The following UTP20 variants were observed in gnomAD, a reference collection of about 807,000 sequenced individuals.
UTP20 encodes the protein small subunit processome component 20 homolog.
In UTP20, 164 loss-of-function variants were observed where a neutral mutation model predicts 329.5. The observed-to-expected ratio is 0.50, with a 90% CI of 0.44 to 0.57. The LOEUF is 0.57. Ranked by LOEUF, UTP20 falls within the 20% of genes least tolerant of loss-of-function variation. UTP20 has a pLI of 0.00. For synonymous variants in UTP20, 1,151 were observed against 1,159.3 expected, an observed-to-expected ratio of 0.99 and a Z score of 0.14; for missense variants, 3,055 against 3,284.2, an observed-to-expected ratio of 0.93 and a Z score of 1.71.
chr12:101,343,118 A>G lies in UTP20; in HGVS notation c.4449+25A>G, dbSNP rs533810101. The G allele has an allele frequency of 3.3e-5, 50 of 1,533,674 alleles. No homozygotes were observed. The African/African-American group carries it at 5.9e-4, about 18-fold the overall frequency. On this transcript the variant is annotated intron_variant, in intron 35 of 61. Coordinates refer to ENST00000261637, the MANE Select transcript of UTP20 (RefSeq NM_014503.3). ...GGTAGGTTATTATAGCAAAATTTTT[A>G]AATTATTTTTTATTGTTTTGGTAAT...
intron 27 of UTP20, among the ~76,000 whole-genome samples, chr12:101,332,119 C>T (rs149131172): frequency 0.021 from 3,124 of 152,194 alleles, 113 homozygotes; most frequent in African/African-American, 0.073. Context: ...GGGCAGATCA[C>T]CTGAGATGGG....
In UTP20 at chr12:101,346,481, C is replaced by T. The variant is rs1030652195; in HGVS notation, c.4777C>T (p.Leu1593Phe). The T allele has an allele frequency of 7.5e-6, 12 of 1,608,702 alleles. No individual in the cohort carries two copies. Among genetic ancestry groups the T allele is most frequent in the Non-Finnish European group, 1.0e-5 (12 of 1,178,114 alleles). ...CAGAAGAGCAAGAGCCTTGAAGAAA[C>T]TTGCAAAACAACTAATGGAAGGCAA... ...IHRRARALKKLAKQLMEGKVV... is the reference protein window; with the variant it reads ...IHRRARALKKFAKQLMEGKVV... The change falls in exon 38 of 62, where the codon CTT becomes TTT. Residue 1593 changes from leucine to phenylalanine, a missense_variant. Transcript: ENST00000261637.
chr12:101,286,582 A>G, intron 5 of UTP20, 73 bp downstream of exon 5: 1 of 1,289,088 alleles, frequency 7.8e-7, no homozygotes, highest in Non-Finnish European at 1.0e-6. Flanking sequence ...ATGACTCCAA[A>G]CCACTTTGCC....
intron 21 of UTP20, among the ~76,000 whole-genome samples, chr12:101,313,730 G>A (rs1260431889): frequency 2.0e-5 from 3 of 151,786 alleles, no homozygotes; most frequent in Non-Finnish European, 4.4e-5. Flanking sequence ...GGTGGGGAGT[G>A]GGACAGGAAG....
At chr12:101,296,634 G>A (rs1054387532) in intron 12 of UTP20, among the ~76,000 whole-genome samples, 1 of 151,358 alleles carries the variant, frequency 6.6e-6, no homozygotes, top group East Asian at 1.9e-4. Flanking sequence ...TGTAGTCCTA[G>A]GTACTGAGGA....
chr12:101,332,548 C>T (rs752000797), intron 27 of UTP20, among the ~76,000 whole-genome samples: 6 of 152,114 alleles, frequency 3.9e-5, no homozygotes, highest in Admixed American at 1.3e-4. Context: ...TAACTCACAG[C>T]GAAGGAGATG....
chr12:101,335,024 T>C (rs2137271899), intron 29 of UTP20, among the ~76,000 whole-genome samples: 1 of 151,428 alleles, frequency 6.6e-6, no homozygotes, highest in East Asian at 1.9e-4. Flanking sequence ...TATAGTGTGA[T>C]CCAGGAAAGT....
chr12:101,325,511 A>G (rs1437154087), intron 25 of UTP20, among the ~76,000 whole-genome samples: 1 of 152,232 alleles, frequency 6.6e-6, no homozygotes, highest in Non-Finnish European at 1.5e-5. Context: ...ACCAAATTCT[A>G]CTAGTCATTC....
chr12:101,356,592 G>A lies in UTP20; in HGVS notation c.5433G>A (p.Lys1811=). The A allele has an allele frequency of 6.2e-7, 1 of 1,613,760 alleles. No individual in the cohort carries two copies. The highest frequency in any genetic ancestry group is 8.5e-7 in the Non-Finnish European group (1 of 1,179,876). ...REEEHKLVKS[K]VVNDEEVVRV... ...AAGAACACAAGCTTGTCAAGTCAAA[G>A]GTTGTGAATGATGAGGAAGTCGTTC... Residue 1811 remains lysine, a synonymous_variant, in exon 42 of 62, where the codon AAG becomes AAA. Transcript: ENST00000261637.
intron 29 of UTP20, among the ~76,000 whole-genome samples, chr12:101,334,915 A>G (rs982759706): frequency 6.6e-5 from 10 of 152,020 alleles, no homozygotes; most frequent in Admixed American, 1.3e-4. Flanking sequence ...TGAGGCTACA[A>G]TGAGCCATGA....
chr12:101,289,404 C>G (rs1872067693), intron 6 of UTP20, among the ~76,000 whole-genome samples: 1 of 150,942 alleles, frequency 6.6e-6, no homozygotes, highest in South Asian at 2.1e-4. Flanking sequence ...CACACACACA[C>G]TAGTAATAAT....
intron 41 of UTP20, among the ~76,000 whole-genome samples, 181 bp from the exon 42 acceptor site, chr12:101,356,373 A>G (rs530086853): frequency 3.3e-5 from 5 of 152,166 alleles, no homozygotes; most frequent in Admixed American, 3.3e-4. Context: ...TGATCCGCCC[A>G]CCTTGGCTTC....
intron 36 of UTP20, 40 bp downstream of exon 36, chr12:101,344,790 G>GTGAAAACACAGCCAACTTTTGTTTTGTTT: frequency 6.3e-7 from 1 of 1,586,654 alleles, no homozygotes; most frequent in Non-Finnish European, 8.6e-7. Flanking sequence ...GTCTGAGGCT[G>GTGAAAACACAGCCAACTTTTGTTTTGTTT]TGTTTTGTTT....
At chr12:101,315,046 C>T (rs761715740) in intron 21 of UTP20, among the ~76,000 whole-genome samples, 5 of 150,828 alleles carry the variant, frequency 3.3e-5, no homozygotes, top group Non-Finnish European at 5.9e-5. Flanking sequence ...GAGCCGAGAT[C>T]GTGCCACGGC....
chr12:101,338,683 T>A, intron 30 of UTP20, 130 bp from the exon 31 acceptor site: 1 of 767,254 alleles, frequency 1.3e-6, no homozygotes. Flanking sequence ...GAATTTAGAA[T>A]TTATTTAGAA....
At chr12:101,296,137 A>G (rs536271195) in intron 12 of UTP20, among the ~76,000 whole-genome samples, 2 of 152,340 alleles carry the variant, frequency 1.3e-5, no homozygotes, top group South Asian at 2.1e-4. Context: ...CATCAGTTGT[A>G]TGTGCACTCA....
chr12:101,336,315 GT>G (rs1293164999), intron 29 of UTP20, among the ~76,000 whole-genome samples: 1 of 152,216 alleles, frequency 6.6e-6, no homozygotes, highest in Non-Finnish European at 1.5e-5. Context: ...AGATTTTGAA[GT>G]GTAGTTGCAG....
rs1221630198 is a variant in UTP20, at chr12:101,383,546, ACATG to A, written c.7937_7940del (p.Cys2646SerfsTer8). 1 of 1,613,116 alleles carries A rather than the reference ACATG, an allele frequency of 6.2e-7. No individual in the cohort carries two copies. The highest frequency in any genetic ancestry group is 8.5e-7 in the Non-Finnish European group (1 of 1,179,658). On this transcript the variant is annotated frameshift_variant, in exon 60 of 62. Coordinates refer to ENST00000261637, the MANE Select transcript of UTP20 (RefSeq NM_014503.3). LOFTEE classifies it high-confidence loss of function. ...AAAAAATGATCTGTACTTTCAGAGA[ACATG>A]CATCTTTAAGTTCCTCGGCGCCGTA...
Position 101,363,725 on chromosome 12 carries a change from C to T in UTP20, c.5940C>T (p.Leu1980=). The change falls in exon 45 of 62, where the codon CTC becomes CTT. Residue 1980 remains leucine (L), a synonymous_variant. Transcript: ENST00000261637. ...KFVGKDQVTK[L]ILPLKEILQN... is the part of the protein sequence containing the mutation. ...TAGGAAAAGATCAGGTTACAAAACTCATCCTTCCATTAAAAGAGGTAAGGA... is the reference window on the plus strand; with the variant it reads ...TAGGAAAAGATCAGGTTACAAAACTTATCCTTCCATTAAAAGAGGTAAGGA... 6.2e-7 allele frequency: 1 copy of T among 1,605,670 alleles called. No homozygotes were observed. Among genetic ancestry groups the T allele is most frequent in the Non-Finnish European group, 8.5e-7 (1 of 1,172,406 alleles).
Sources: gnomAD v4.1 joint callset for allele counts (sites outside exome capture counted in the v4.1 genomes callset) on GRCh38, gnomAD v4.1.1 for gene constraint, MANE v1.5 for transcripts, NCBI Gene and HGNC (gene_info 2026-07-23, HGNC 2026-07-21) for gene names.